BATF: variants seen among roughly 807,000 people sequenced by gnomAD.
The protein encoded by BATF is basic leucine zipper ATF-like transcription factor, also known as basic leucine zipper transcriptional factor ATF-like.
A neutral mutation model predicts 13.7 loss-of-function variants in BATF; 5 were observed. The ratio of observed to expected loss-of-function variants is 0.36; its 90% confidence interval spans 0.19 to 0.77. The LOEUF (loss-of-function observed/expected upper bound fraction) is 0.77. BATF is among the 30% of genes least tolerant of loss of function. The pLI, the probability that BATF is intolerant of heterozygous loss-of-function variation, is 0.51. For synonymous variants in BATF, 72 were observed against 67.5 expected, an observed-to-expected ratio of 1.07 and a Z score of -0.33; for missense variants, 124 against 163.0, an observed-to-expected ratio of 0.76 and a Z score of 1.30.
chr14:75,535,177 A>G (rs1426315939), intron 2 of BATF, among the ~76,000 whole-genome samples: 2 of 152,196 alleles, frequency 1.3e-5, no homozygotes, highest in East Asian at 3.8e-4. Flanking sequence ...CCCAATACAT[A>G]CGGAGGCCAA....
At chr14:75,525,854 G>A (rs568250604) in intron 2 of BATF, among the ~76,000 whole-genome samples, 5 of 152,220 alleles carry the variant, frequency 3.3e-5, no homozygotes, top group East Asian at 1.9e-4. Context: ...ACACATAGTC[G>A]CATCCCTTGG....
intron 2 of BATF, among the ~76,000 whole-genome samples, chr14:75,530,224 ATGT>A (rs1195041176): frequency 6.6e-6 from 1 of 152,198 alleles, no homozygotes; most frequent in African/African-American, 2.4e-5. Context: ...AAGATGAAAC[ATGT>A]TGTTGATACA....
intron 1 of BATF, 37 bp downstream of exon 1, chr14:75,522,782 T>C (rs201751174): frequency 6.2e-7 from 1 of 1,612,492 alleles, no homozygotes; most frequent in Admixed American, 1.7e-5. Context: ...ACCTTCTGAT[T>C]CTCCTGGGGG....
chr14:75,534,042 C>T (rs549137740), intron 2 of BATF, among the ~76,000 whole-genome samples: 9 of 152,280 alleles, frequency 5.9e-5, no homozygotes, highest in East Asian at 1.9e-4. Flanking sequence ...CCAGAACATA[C>T]GGCTATACAT....
At chr14:75,533,455 G>C (rs957918393) in intron 2 of BATF, among the ~76,000 whole-genome samples, 24 of 150,530 alleles carry the variant, frequency 1.6e-4, no homozygotes, top group African/African-American at 5.4e-4. Context: ...AAGAATGACT[G>C]TCTGTCTACA....
intron 2 of BATF, among the ~76,000 whole-genome samples, chr14:75,528,468 A>T (rs1887684251): frequency 6.6e-6 from 1 of 152,234 alleles, no homozygotes; most frequent in Non-Finnish European, 1.5e-5. Context: ...CAGAGTAGGG[A>T]GAGAGCCTCT....
chr14:75,546,739 C>A lies in BATF; in HGVS notation c.*68C>A. The A allele has an allele frequency of 6.8e-7, 1 of 1,462,746 alleles. No individual in the cohort carries two copies. 90.6% of individuals were successfully genotyped at this position (1,462,746 alleles called of 1,614,324 possible). A position where few individuals can be genotyped will look rare whatever the true frequency, so the allele number is the denominator to read the frequency against. ...GACTGTGGCAGAGCTGCGCCCATCC[C>A]GCAGAGGCCCCTGTCCACCTGGAGA... is the stretch of plus-strand genomic sequence containing the variant. On this transcript the variant is annotated 3_prime_UTR_variant, in exon 3 of 3. Transcript: ENST00000286639.
At chr14:75,535,995 G>A (rs552995693) in intron 2 of BATF, among the ~76,000 whole-genome samples, 38 of 152,278 alleles carry the variant, frequency 2.5e-4, no homozygotes, top group South Asian at 6.2e-4. Context: ...TGAGATCAGC[G>A]GAAGTGATTC....
chr14:75,522,868 C>G (rs1887593543), intron 1 of BATF, 123 bp downstream of exon 1: 1 of 1,155,418 alleles, frequency 8.7e-7, no homozygotes, highest in African/African-American at 1.5e-5. Context: ...CACGGGCACT[C>G]TGTTAGACTT....
chr14:75,530,542 T>C (rs1887717861), intron 2 of BATF, among the ~76,000 whole-genome samples: 1 of 152,242 alleles, frequency 6.6e-6, no homozygotes, highest in African/African-American at 2.4e-5. Context: ...ATTGCAGATA[T>C]GTTAAAATAA....
At chr14:75,525,313 A>T (rs1442863284) in intron 2 of BATF, 125 bp downstream of exon 2, 1 of 990,400 alleles carries the variant, frequency 1.0e-6, no homozygotes, top group East Asian at 2.7e-5. Context: ...GGGTTAGTGG[A>T]GGGTGAGGGC....
At chr14:75,534,784 T>A (rs1332821677) in intron 2 of BATF, among the ~76,000 whole-genome samples, 1 of 152,212 alleles carries the variant, frequency 6.6e-6, no homozygotes, top group Non-Finnish European at 1.5e-5. Context: ...TGACCCCTTT[T>A]CAGTAATACT....
At chr14:75,523,377 A>G (rs1274375082) in intron 1 of BATF, among the ~76,000 whole-genome samples, 3 of 152,108 alleles carry the variant, frequency 2.0e-5, no homozygotes, top group African/African-American at 7.2e-5. Flanking sequence ...TGGCTTCTGG[A>G]TAGGAGCAAG....
At chr14:75,535,500 T>G (rs1025103422) in intron 2 of BATF, among the ~76,000 whole-genome samples, 11 of 152,284 alleles carry the variant, frequency 7.2e-5, no homozygotes, top group African/African-American at 2.2e-4. Flanking sequence ...TTAAAAAATA[T>G]CTTTAATGTA....
rs1887809640 is a variant in BATF, at chr14:75,535,915, G to A, written c.169-10547G>A. On this transcript the variant is annotated intron_variant, in intron 2 of 2. Transcript: ENST00000286639. ...GGGTACTCAGCTGGCATAAGAATAT[G>A]TCTTATCATTAAGAGAGTAGGATGA... Among the ~76,000 whole-genome samples the A allele has an allele frequency of 2.6e-5, 4 of 152,322 alleles. 1 individual carries two copies. The South Asian group carries it at 6.2e-4, about 24-fold the overall frequency.
chr14:75,526,852 C>G (rs2243751), intron 2 of BATF, among the ~76,000 whole-genome samples: 140,701 of 152,270 alleles, frequency 0.92, 65,015 homozygotes, highest in Middle Eastern at 0.96. Context: ...TTCTGATTCA[C>G]TATTCTTTAG....
chr14:75,522,725 T>G lies in BATF; in HGVS notation c.43T>G (p.Ser15Ala), dbSNP rs745959818. 1.2e-6 allele frequency: 2 copies of G among 1,614,130 alleles called. No homozygotes were observed. Among genetic ancestry groups the G allele is most frequent in the Admixed American group, 1.7e-5 (1 of 60,020 alleles). The change falls in exon 1 of 3, where the codon TCT (serine) becomes GCT (alanine). Residue 15 changes from serine to alanine, a missense_variant. By Grantham distance (99) the Ser-to-Ala change is moderately conservative (BLOSUM62 1). Coordinates refer to ENST00000286639, the MANE Select transcript of BATF (RefSeq NM_006399.5). ...SDSSDSSFSR[S>A]PPPGKQDSSD... ...CAGCAGTGACTCCAGCTTCAGCCGC[T>G]CTCCTCCCCCTGGCAAACAGGTAGA...
Position 75,544,571 on chromosome 14 carries a change from A to AGG in BATF, c.169-1891_169-1890insGG, listed in dbSNP as rs1211299254. Reference sequence around the variant, plus strand: ...CAGAGTGAGACTGTCTCAAAAAAAAAAAAAAAAAAAAAAAAATTCAGATCT... The same window carrying AGG: ...CAGAGTGAGACTGTCTCAAAAAAAAAGGAAAAAAAAAAAAAAAATTCAGATCT... On this transcript the variant is annotated intron_variant, in intron 2 of 2. Transcript: ENST00000286639. Among the ~76,000 whole-genome samples, 64 of 149,278 alleles carry AGG rather than the reference A, an allele frequency of 4.3e-4. No individual in the cohort carries two copies. In the South Asian group the frequency reaches 5.0e-3, roughly 12 times the overall value.
At chr14:75,533,768 T>G (rs1332912287) in intron 2 of BATF, among the ~76,000 whole-genome samples, 1 of 152,186 alleles carries the variant, frequency 6.6e-6, no homozygotes, top group African/African-American at 2.4e-5. Flanking sequence ...ACAATCATAA[T>G]AGTCATACTA....
Sources: gnomAD v4.1 joint callset for allele counts (sites outside exome capture counted in the v4.1 genomes callset) on GRCh38, gnomAD v4.1.1 for gene constraint, MANE v1.5 for transcripts, NCBI Gene and HGNC (gene_info 2026-07-23, HGNC 2026-07-21) for gene names.